PTPRN2: variants seen among roughly 807,000 people sequenced by gnomAD.
PTPRN2 encodes the protein receptor-type tyrosine-protein phosphatase N2.
Under a neutral mutation model 118.8 loss-of-function variants are expected in PTPRN2, and 74 were observed. That is an observed-to-expected ratio of 0.62 (90% CI 0.52 to 0.76). The LOEUF is 0.76. Ranked by LOEUF, PTPRN2 falls within the 30% of genes least tolerant of loss-of-function variation. The pLI is 0.00. For synonymous variants in PTPRN2, 641 were observed against 608.0 expected (o/e 1.05, Z -0.80); for missense variants, 1,481 against 1,394.4 (o/e 1.06, Z -0.99).
At chr7:158,164,231 G>A (rs887081131) in intron 6 of PTPRN2, among the ~76,000 whole-genome samples, 1 of 152,096 alleles carries the variant, frequency 6.6e-6, no homozygotes, top group African/African-American at 2.4e-5. Context: ...GCGCAGGAAG[G>A]GCTCGCAGAG....
chr7:158,310,000 C>T (rs1801577435), intron 3 of PTPRN2, among the ~76,000 whole-genome samples: 1 of 152,152 alleles, frequency 6.6e-6, no homozygotes, highest in Non-Finnish European at 1.5e-5. Flanking sequence ...GGGAAGATGC[C>T]ACCCATGAAC....
intron 3 of PTPRN2, among the ~76,000 whole-genome samples, chr7:158,314,417 T>A (rs117683103): frequency 0.041 from 6,292 of 152,374 alleles, 173 homozygotes; most frequent in Non-Finnish European, 0.051. Flanking sequence ...TCCTTCAATA[T>A]GGCTCGCTCC....
chr7:157,709,281 A>G (rs1161395536), intron 12 of PTPRN2, among the ~76,000 whole-genome samples: 1 of 152,246 alleles, frequency 6.6e-6, no homozygotes. Flanking sequence ...GCTCTGGACA[A>G]AAGCTCCTCC....
At chr7:158,060,456 GTC>G (rs1386373474) in intron 11 of PTPRN2, among the ~76,000 whole-genome samples, 1 of 151,822 alleles carries the variant, frequency 6.6e-6, no homozygotes, top group Non-Finnish European at 1.5e-5. Flanking sequence ...GCACCTCTCC[GTC>G]TCTGTCTGCG....
intron 5 of PTPRN2, among the ~76,000 whole-genome samples, chr7:158,185,679 C>A (rs1563573045): frequency 6.6e-6 from 1 of 152,218 alleles, no homozygotes; most frequent in Non-Finnish European, 1.5e-5. Context: ...TCCTGCCTTT[C>A]GAGTTTCCAT....
At chr7:158,301,532 G>A (rs533719686) in intron 3 of PTPRN2, among the ~76,000 whole-genome samples, 1 of 152,200 alleles carries the variant, frequency 6.6e-6, no homozygotes, top group Non-Finnish European at 1.5e-5. Flanking sequence ...GCTCTTGCTG[G>A]TTTGAGTTAT....
intron 3 of PTPRN2, among the ~76,000 whole-genome samples, chr7:158,217,780 A>G (rs2150782969): frequency 6.6e-6 from 1 of 152,318 alleles, no homozygotes; most frequent in East Asian, 1.9e-4. Context: ...AATTCAATAT[A>G]AGAATTTCAT....
rs59648049 is a variant in PTPRN2 at position 157,909,390 on chromosome 7, G to T, written c.1724-10653C>A. On this transcript the variant is annotated intron_variant, in intron 11 of 22. Coordinates refer to ENST00000389418, the MANE Select transcript of PTPRN2 (RefSeq NM_002847.5). ...ACAGGGGCTGACTCTATACACTGGG[G>T]GGGGGAGGATGCTGGCCACTCAACA... Among the ~76,000 whole-genome samples, 242 of 152,324 alleles carry T rather than the reference G, an allele frequency of 1.6e-3. 3 individuals carry two copies. The East Asian group carries it at 0.027, about 17-fold the overall frequency.
chr7:157,918,151 C>T (rs189158630), intron 11 of PTPRN2, among the ~76,000 whole-genome samples: 7 of 152,310 alleles, frequency 4.6e-5, no homozygotes, highest in East Asian at 1.9e-4. Context: ...CTGGTAAAGA[C>T]GTGCCTTCTG....
At chr7:158,329,515 ATGAGGACACG>A (rs1803957194) in intron 2 of PTPRN2, among the ~76,000 whole-genome samples, 1 of 152,166 alleles carries the variant, frequency 6.6e-6, no homozygotes, top group Non-Finnish European at 1.5e-5. Flanking sequence ...CTCCAGCCAC[ATGAGGACACG>A]TGAGGAGGCA....
intron 3 of PTPRN2, among the ~76,000 whole-genome samples, chr7:158,236,096 G>C (rs571903919): frequency 6.6e-6 from 1 of 152,262 alleles, no homozygotes; most frequent in African/African-American, 2.4e-5. Flanking sequence ...GTTGTTGAAG[G>C]GGCTGGGTGA....
intron 6 of PTPRN2, among the ~76,000 whole-genome samples, chr7:158,155,809 C>T (rs1821769086): frequency 6.6e-6 from 1 of 151,106 alleles, no homozygotes; most frequent in African/African-American, 2.4e-5. Flanking sequence ...TCATCATCAC[C>T]ACCATCATCA....
intron 11 of PTPRN2, among the ~76,000 whole-genome samples, chr7:157,967,639 G>A (rs796934329): frequency 1.1e-4 from 16 of 152,282 alleles, no homozygotes; most frequent in African/African-American, 3.4e-4. Flanking sequence ...AAAGGAGAAC[G>A]ATGCTGACCC....
intron 2 of PTPRN2, among the ~76,000 whole-genome samples, chr7:158,340,322 C>T (rs1387493461): frequency 9.7e-6 from 1 of 103,046 alleles, no homozygotes; most frequent in Non-Finnish European, 2.1e-5. Flanking sequence ...CCACAGACAT[C>T]ACTCACACCC....
intron 2 of PTPRN2, among the ~76,000 whole-genome samples, chr7:158,341,755 C>G (rs1405314703): frequency 3.4e-5 from 5 of 146,054 alleles, no homozygotes; most frequent in Non-Finnish European, 7.4e-5. Flanking sequence ...CACCGACACT[C>G]TCACCATAAG....
At chr7:157,840,349 C>T (rs371518283) in intron 12 of PTPRN2, among the ~76,000 whole-genome samples, 10 of 118,580 alleles carry the variant, frequency 8.4e-5, no homozygotes, top group East Asian at 7.7e-4. Context: ...CGTGTGGCCG[C>T]GTGTGACTGT....
At chr7:157,983,697 T>A (rs895724009) in intron 11 of PTPRN2, among the ~76,000 whole-genome samples, 16 of 152,194 alleles carry the variant, frequency 1.1e-4, no homozygotes, top group African/African-American at 3.9e-4. Context: ...CTTGTGAGTG[T>A]AGGCTTGAGA....
intron 12 of PTPRN2, among the ~76,000 whole-genome samples, chr7:157,839,064 T>G (rs1199483538): frequency 2.0e-5 from 3 of 152,274 alleles, no homozygotes; most frequent in African/African-American, 7.2e-5. Context: ...CCGTGGCTAC[T>G]CCAGTTCCTC....
intron 11 of PTPRN2, among the ~76,000 whole-genome samples, chr7:158,055,203 C>T (rs1809691494): frequency 2.0e-5 from 3 of 152,126 alleles, no homozygotes; most frequent in South Asian, 4.1e-4. Context: ...AAAAACCAGG[C>T]CATACAGAGA....
Sources: allele counts gnomAD v4.1 joint callset (sites outside exome capture counted in the v4.1 genomes callset), GRCh38; gene constraint gnomAD v4.1.1; transcripts MANE v1.5; gene names NCBI Gene and HGNC (gene_info 2026-07-23, HGNC 2026-07-21).